The following KIF25 variants were observed in gnomAD, a reference collection of about 807,000 sequenced individuals.
The protein encoded by KIF25 is kinesin family member 25.
Under a neutral mutation model 32.9 loss-of-function variants are expected in KIF25, and 19 were observed. The ratio of observed to expected loss-of-function variants is 0.58; its 90% CI spans 0.40 to 0.85. KIF25 has a LOEUF of 0.85. Among genes scored for constraint, KIF25 ranks in the 40% least tolerant of loss-of-function variants. The pLI is 0.00. For synonymous variants in KIF25, 225 were observed against 213.7 expected, an observed-to-expected ratio of 1.05 and a Z score of -0.46; for missense variants, 485 against 507.0, an observed-to-expected ratio of 0.96 and a Z score of 0.42.
At chr6:168,038,236 A>C (rs138761979) in intron 8 of KIF25, among the ~76,000 whole-genome samples, 3 of 152,260 alleles carry the variant, frequency 2.0e-5, no homozygotes, top group Non-Finnish European at 2.9e-5. Flanking sequence ...GGGCATGGTA[A>C]TTTCTAGACC....
At chr6:168,023,600 C>A (rs1798817705) in intron 5 of KIF25, among the ~76,000 whole-genome samples, 1 of 152,076 alleles carries the variant, frequency 6.6e-6, no homozygotes, top group African/African-American at 2.4e-5. Context: ...CCGGGTTTCA[C>A]CATGTTGGCC....
rs1445244076 is a variant in KIF25, at chr6:168,031,223, C to T, written c.167+376C>T. Among the ~76,000 whole-genome samples, 3 of 152,192 alleles carry T rather than the reference C, an allele frequency of 2.0e-5. No homozygotes were observed. In the East Asian group the frequency reaches 5.8e-4, roughly 29 times the overall value. On this transcript the variant is annotated intron_variant, in intron 7 of 12. Transcript: ENST00000643607. ...GTTAATGTCAGATTTAGGGACTTTT[C>T]CCTTTGGGAATCAGCCTTCTATTCT...
intron 10 of KIF25, among the ~76,000 whole-genome samples, chr6:168,040,779 G>A (rs1799108252): frequency 6.6e-6 from 1 of 152,174 alleles, no homozygotes; most frequent in African/African-American, 2.4e-5. Flanking sequence ...AAGAAAAGCA[G>A]GGCATAATAC....
At position 167,999,162 on chromosome 6, in the gene KIF25, G is replaced by C. The variant is rs186287005; in HGVS notation, c.-528G>C. ...TCTCAGGAGCTGGTGCCCGGTGCAC[G>C]TTCAGTGGGGGATGCTCCGCAGTGC... On this transcript the variant is annotated 5_prime_UTR_variant, in exon 2 of 13. Coordinates refer to ENST00000643607, the MANE Select transcript of KIF25 (RefSeq NM_030615.4). 1 of 152,334 alleles carries C rather than the reference G, an allele frequency of 6.6e-6. No individual in the cohort carries two copies. The highest frequency in any genetic ancestry group is 1.5e-5 in the Non-Finnish European group (1 of 68,110). The allele number at this position is 152,334 out of a possible 1,614,324, so 9.4% of individuals were successfully genotyped here.
chr6:168,011,137 TACTC>T (rs531876831), intron 4 of KIF25, among the ~76,000 whole-genome samples: 34 of 152,138 alleles, frequency 2.2e-4, no homozygotes, highest in Non-Finnish European at 4.7e-4. Flanking sequence ...GGTGAGGACT[TACTC>T]TTGTCATTTT....
Position 168,021,751 on chromosome 6 carries a change from G to A in KIF25, c.-95+3711G>A, listed in dbSNP as rs74984453. On this transcript the variant is annotated intron_variant, in intron 5 of 12. Coordinates refer to ENST00000643607, the MANE Select transcript of KIF25 (RefSeq NM_030615.4). ...TTTCTGTCTGAGAAGTCTTATCTAAGGCATCTGTGCATTTTATCGAAGTCT... is the reference window on the plus strand; with the variant it reads ...TTTCTGTCTGAGAAGTCTTATCTAAAGCATCTGTGCATTTTATCGAAGTCT... Among the ~76,000 whole-genome samples, 26 of 152,304 alleles carry A rather than the reference G, an allele frequency of 1.7e-4. No individual in the cohort carries two copies. The East Asian group carries it at 5.0e-3, about 29-fold the overall frequency.
At chr6:168,030,620 AAAT>A in intron 6 of KIF25, 150 bp from the exon 7 acceptor site, 1 of 560,810 alleles carries the variant, frequency 1.8e-6, no homozygotes. Flanking sequence ...TTATCTTGAA[AAAT>A]AACACAGATT....
intron 4 of KIF25, among the ~76,000 whole-genome samples, chr6:168,016,648 CTCT>C (rs1157879849): frequency 2.0e-5 from 3 of 152,280 alleles, no homozygotes; most frequent in African/African-American, 4.8e-5. Context: ...CACTCCCTCC[CTCT>C]TAACTTTCTT....
intron 6 of KIF25, among the ~76,000 whole-genome samples, 171 bp downstream of exon 6, chr6:168,029,848 T>G (rs901130768): frequency 6.6e-6 from 1 of 151,830 alleles, no homozygotes; most frequent in African/African-American, 2.4e-5. Context: ...CACCACACCC[T>G]CTACATCATG....
At chr6:168,002,014 A>G (rs1798512547) in intron 2 of KIF25, among the ~76,000 whole-genome samples, 1 of 134,746 alleles carries the variant, frequency 7.4e-6, no homozygotes, top group Non-Finnish European at 1.6e-5. Context: ...AAGACACCTG[A>G]GGCGTGGCCT....
rs141820615 is a variant in KIF25, at chr6:168,038,693, A to C, written c.458A>C (p.Lys153Thr). Residue 153 changes from lysine (K) to threonine (T), a missense_variant, in exon 9 of 13, where the codon AAG (lysine) becomes ACG (threonine). Lys to Thr is a moderately conservative substitution (Grantham distance 78). Around this residue, in one of 2 missense-constraint regions of KIF25, gnomAD observed 480 missense variants for 470.3 expected, o/e 1.02. Coordinates refer to ENST00000643607, the MANE Select transcript of KIF25 (RefSeq NM_030615.4). ...SGVKREVVTA[K>T]DGRTEVALLA... ...GTCAAGCGTGAGGTGGTGACAGCCA[A>C]GGATGGACGGACAGAGGTTGCGCTG... 6.7e-5 allele frequency: 108 copies of C among 1,614,112 alleles called. 1 individual carries two copies. In the African/African-American group the frequency reaches 1.3e-3, roughly 20 times the overall value.
At chr6:168,024,842 G>A (rs1798838374) in intron 5 of KIF25, among the ~76,000 whole-genome samples, 1 of 152,134 alleles carries the variant, frequency 6.6e-6, no homozygotes, top group African/African-American at 2.4e-5. Flanking sequence ...CCTGAGGTCA[G>A]GAGTTCGAGA....
intron 4 of KIF25, among the ~76,000 whole-genome samples, chr6:168,011,305 T>A (rs1195995953): frequency 2.0e-5 from 3 of 152,200 alleles, no homozygotes; most frequent in Non-Finnish European, 4.4e-5. Flanking sequence ...TATAGTTTTG[T>A]ATTTTTTATG....
intron 4 of KIF25, among the ~76,000 whole-genome samples, chr6:168,014,754 C>A (rs1798692138): frequency 1.3e-5 from 2 of 152,196 alleles, no homozygotes; most frequent in Admixed American, 6.5e-5. Context: ...TGCCCTAGTT[C>A]CTGGTAGCTG....
Position 168,030,797 on chromosome 6 carries a change from G to C in KIF25, c.117G>C (p.Gln39His). ...DLRVYGPAES[Q>H]SAVFGDVCPL... ...GGGTTTATGGTCCAGCAGAGTCTCA[G>C]AGCGCGGTCTTTGGAGATGTGTGCC... Residue 39 changes from glutamine (Q) to histidine (H), a missense_variant, in exon 7 of 13, where the codon CAG (glutamine) becomes CAC (histidine). Gln to His is a conservative substitution (Grantham distance 24). Transcript: ENST00000643607. 6.2e-7 allele frequency: 1 copy of C among 1,613,334 alleles called. No homozygotes were observed. The highest frequency in any genetic ancestry group is 2.2e-5 in the East Asian group (1 of 44,786).
intron 2 of KIF25, among the ~76,000 whole-genome samples, chr6:168,000,125 T>C (rs1317147572): frequency 2.2e-4 from 6 of 27,890 alleles, no homozygotes; most frequent in South Asian, 1.7e-3. Flanking sequence ...CCATCCTGTC[T>C]ACACCTGACC....
At position 168,038,608 on chromosome 6, in the gene KIF25, G is replaced by A. The variant is rs1799065440; in HGVS notation, c.373G>A (p.Val125Ile). 1 of 1,614,206 alleles carries A rather than the reference G, an allele frequency of 6.2e-7. No homozygotes were observed. The highest frequency in any genetic ancestry group is 8.5e-7 in the Non-Finnish European group (1 of 1,180,026). The change falls in exon 9 of 13, where the codon GTT (valine) becomes ATT (isoleucine). Residue 125 changes from valine to isoleucine, a missense_variant. Val to Ile is a conservative substitution (Grantham distance 29). Coordinates refer to ENST00000643607, the MANE Select transcript of KIF25 (RefSeq NM_030615.4). ...SPKVEVSIVEVYNNDIFDLLA... is the reference protein window; with the variant it reads ...SPKVEVSIVEIYNNDIFDLLA... ...AAAGGTTGAAGTCTCCATAGTGGAA[G>A]TTTACAATAATGACATTTTTGACCT...
intron 8 of KIF25, chr6:168,035,984 G>A (rs1198646393): frequency 3.1e-6 from 1 of 322,814 alleles, no homozygotes; most frequent in African/African-American, 2.2e-5. Context: ...AGTTGCAAAC[G>A]GCCCTCTGCC....
At chr6:168,017,709 T>A (rs1023695727) in intron 4 of KIF25, among the ~76,000 whole-genome samples, 1 of 152,134 alleles carries the variant, frequency 6.6e-6, no homozygotes, top group Non-Finnish European at 1.5e-5. Flanking sequence ...TTCTTCTCTT[T>A]ATGGGGGTCG....
Sources: allele counts gnomAD v4.1 joint callset (sites outside exome capture counted in the v4.1 genomes callset), GRCh38; gene constraint gnomAD v4.1.1; regional missense constraint gnomAD v4.1.1; transcripts MANE v1.5; gene names NCBI Gene and HGNC (gene_info 2026-07-23, HGNC 2026-07-21).